The following OLFM3 variants were observed in gnomAD, a reference collection of about 807,000 sequenced individuals.
The protein encoded by OLFM3 is olfactomedin 3.
Under a neutral mutation model 48.6 loss-of-function variants are expected in OLFM3, and 20 were observed. The observed-to-expected ratio is 0.41, with a 90% CI of 0.29 to 0.60. The LOEUF (loss-of-function observed/expected upper bound fraction) is 0.60, where lower values mean the gene tolerates loss of function less well. Ranked by LOEUF, OLFM3 falls within the 20% of genes least tolerant of loss-of-function variation. OLFM3 has a pLI of 0.28. For missense variants in OLFM3, 437 were observed against 544.3 expected, an observed-to-expected ratio of 0.80 and a Z score of 1.96; for synonymous variants, 222 against 198.1, an observed-to-expected ratio of 1.12 and a Z score of -1.01.
chr1:101,943,167 A>T (rs1659846204), intron 1 of OLFM3, among the ~76,000 whole-genome samples: 1 of 152,206 alleles, frequency 6.6e-6, no homozygotes, highest in African/African-American at 2.4e-5. Context: ...AATGTTCATA[A>T]AAATTGACAT....
chr1:101,814,240 T>C (rs1285185228), intron 4 of OLFM3, among the ~76,000 whole-genome samples: 2 of 151,882 alleles, frequency 1.3e-5, no homozygotes, highest in Non-Finnish European at 2.9e-5. Flanking sequence ...GCTTCATTCA[T>C]TTATTTATTC....
In OLFM3 at chr1:101,909,225, C is replaced by G. The variant is rs78539953; in HGVS notation, c.70-72200G>C. Among the ~76,000 whole-genome samples the G allele has an allele frequency of 2.4e-4, 37 of 152,204 alleles. No homozygotes were observed. The East Asian group carries it at 6.0e-3, about 25-fold the overall frequency. On this transcript the variant is annotated intron_variant, in intron 1 of 5. Coordinates refer to ENST00000370103, the MANE Select transcript of OLFM3 (RefSeq NM_058170.4). Reference sequence around the variant, plus strand: ...CTTGAGTGGCTAACACACACAGAGGCCACAGGTATTGCAGATCTAAGGACT... The same window carrying G: ...CTTGAGTGGCTAACACACACAGAGGGCACAGGTATTGCAGATCTAAGGACT...
intron 1 of OLFM3, among the ~76,000 whole-genome samples, chr1:101,854,594 A>C (rs1557703746): frequency 6.6e-6 from 1 of 152,072 alleles, no homozygotes; most frequent in Non-Finnish European, 1.5e-5. Flanking sequence ...TCCAGAAATA[A>C]AAACGAAGAA....
At chr1:101,910,518 A>G (rs1328619192) in intron 1 of OLFM3, among the ~76,000 whole-genome samples, 3 of 144,830 alleles carry the variant, frequency 2.1e-5, no homozygotes, top group Non-Finnish European at 4.6e-5. Context: ...TAAATAGACT[A>G]AAGAGTATAA....
chr1:101,921,421 C>T (rs1204022478), intron 1 of OLFM3, among the ~76,000 whole-genome samples: 1 of 152,152 alleles, frequency 6.6e-6, no homozygotes, highest in Non-Finnish European at 1.5e-5. Flanking sequence ...TTTTCACCTC[C>T]TCCCAACATA....
chr1:101,878,983 AC>A (rs1228669486), intron 1 of OLFM3, among the ~76,000 whole-genome samples: 1 of 151,902 alleles, frequency 6.6e-6, no homozygotes, highest in Non-Finnish European at 1.5e-5. Flanking sequence ...CATATTGACC[AC>A]CAATGCTTGT....
intron 4 of OLFM3, among the ~76,000 whole-genome samples, chr1:101,808,582 G>A (rs902018480): frequency 2.0e-5 from 3 of 151,694 alleles, no homozygotes; most frequent in Non-Finnish European, 2.9e-5. Context: ...GACTGCAGAA[G>A]GCAAAGGAAA....
chr1:101,932,471 G>T (rs985696654), intron 1 of OLFM3, among the ~76,000 whole-genome samples: 4 of 152,268 alleles, frequency 2.6e-5, no homozygotes, highest in African/African-American at 9.6e-5. Flanking sequence ...TGGGCTGAAG[G>T]GGGAGGAAGC....
intron 1 of OLFM3, among the ~76,000 whole-genome samples, chr1:101,890,302 C>G (rs1466134329): frequency 6.6e-6 from 1 of 151,866 alleles, no homozygotes; most frequent in East Asian, 1.9e-4. Flanking sequence ...GGAAGATAAT[C>G]TTTGTGTACA....
intron 1 of OLFM3, among the ~76,000 whole-genome samples, chr1:101,991,008 A>AT (rs1661385592): frequency 2.0e-5 from 2 of 98,264 alleles, no homozygotes; most frequent in African/African-American, 8.1e-5. Context: ...AAAAAAAAAA[A>AT]AAAAAAAAAT....
intron 1 of OLFM3, among the ~76,000 whole-genome samples, chr1:101,876,399 G>T (rs1570586706): frequency 1.3e-5 from 2 of 151,782 alleles, no homozygotes; most frequent in East Asian, 3.9e-4. Context: ...ATGGCTATTG[G>T]GCCACTACAT....
At chr1:101,881,265 G>A (rs1657515166) in intron 1 of OLFM3, among the ~76,000 whole-genome samples, 1 of 151,854 alleles carries the variant, frequency 6.6e-6, no homozygotes, top group Admixed American at 6.6e-5. Flanking sequence ...TGTATTAAAA[G>A]TAAAATTTAC....
At chr1:101,828,403 A>T (rs1008543602) in intron 3 of OLFM3, among the ~76,000 whole-genome samples, 2 of 152,146 alleles carry the variant, frequency 1.3e-5, no homozygotes, top group African/African-American at 4.8e-5. Context: ...TGTTATTATC[A>T]TTACTGTTAT....
intron 1 of OLFM3, among the ~76,000 whole-genome samples, chr1:101,892,219 G>A (rs994208279): frequency 2.7e-5 from 4 of 150,758 alleles, no homozygotes; most frequent in African/African-American, 9.7e-5. Flanking sequence ...GAGATGTATT[G>A]TACTGGTTCT....
At chr1:101,842,014 A>G (rs887755608) in intron 1 of OLFM3, among the ~76,000 whole-genome samples, 1 of 152,180 alleles carries the variant, frequency 6.6e-6, no homozygotes. Context: ...AAATGTGAGG[A>G]CAGGAATTAG....
chr1:101,937,467 T>TTGAATCATGGC (rs1553181329), intron 1 of OLFM3, among the ~76,000 whole-genome samples: 1 of 152,160 alleles, frequency 6.6e-6, no homozygotes. Context: ...TGGGAGGTAA[T>TTGAATCATGGC]TGAATCATGG....
intron 1 of OLFM3, among the ~76,000 whole-genome samples, chr1:101,890,332 T>G (rs907543940): frequency 1.3e-5 from 2 of 149,530 alleles, no homozygotes; most frequent in Non-Finnish European, 3.0e-5. Context: ...ACGAACAACC[T>G]TAAAACACAA....
At chr1:101,954,944 C>A (rs187109895) in intron 1 of OLFM3, among the ~76,000 whole-genome samples, 131 of 152,070 alleles carry the variant, frequency 8.6e-4, no homozygotes, top group Non-Finnish European at 1.7e-3. Flanking sequence ...TATGTGTAAC[C>A]TTTCTGCACA....
chr1:101,846,802 G>A, intron 1 of OLFM3: 1 of 1,439,046 alleles, frequency 6.9e-7, no homozygotes, highest in Non-Finnish European at 9.8e-7. Context: ...CCCACTAAAT[G>A]CACTTACTTC....
Sources: gnomAD v4.1 joint callset for allele counts (sites outside exome capture counted in the v4.1 genomes callset) on GRCh38, gnomAD v4.1.1 for gene constraint, MANE v1.5 for transcripts, NCBI Gene and HGNC (gene_info 2026-07-23, HGNC 2026-07-21) for gene names.